The following TAF3 variants were observed in gnomAD, a reference collection of about 807,000 sequenced individuals.
TAF3 encodes the protein transcription initiation factor TFIID subunit 3.
TAF3 carries 7 observed loss-of-function variants against 80.6 expected under a neutral mutation model. The ratio of observed to expected loss-of-function variants is 0.09; its 90% CI spans 0.05 to 0.16. The LOEUF (loss-of-function observed/expected upper bound fraction) is 0.16, where lower values mean the gene tolerates loss of function less well. Among genes scored for constraint, TAF3 ranks in the 10% least tolerant of loss-of-function variants. TAF3 has a pLI of 1.00. For missense variants in TAF3, 921 were observed against 1,140.2 expected, an observed-to-expected ratio of 0.81 and a Z score of 2.77; for synonymous variants, 444 against 446.1, an observed-to-expected ratio of 1.00 and a Z score of 0.06.
chr10:7,954,861 A>G (rs988563507), intron 2 of TAF3, among the ~76,000 whole-genome samples: 2 of 142,624 alleles, frequency 1.4e-5, no homozygotes, highest in Non-Finnish European at 3.1e-5. Flanking sequence ...AGTGCACTCC[A>G]TAGGTGAATG....
intron 2 of TAF3, among the ~76,000 whole-genome samples, chr10:7,894,772 CTTTA>C (rs1259126405): frequency 6.6e-6 from 1 of 152,084 alleles, no homozygotes; most frequent in Non-Finnish European, 1.5e-5. Flanking sequence ...TAGGCTAAGA[CTTTA>C]TTTAAATACA....
intron 2 of TAF3, among the ~76,000 whole-genome samples, chr10:7,849,544 T>G (rs1244482): frequency 0.18 from 27,327 of 152,202 alleles, 2,539 homozygotes; most frequent in South Asian, 0.26. Flanking sequence ...GTTTTAAATG[T>G]GCATAATAGT....
At chr10:8,002,133 A>G (rs950590634) in intron 4 of TAF3, among the ~76,000 whole-genome samples, 3 of 152,172 alleles carry the variant, frequency 2.0e-5, no homozygotes, top group African/African-American at 4.8e-5. Context: ...TCTTCTTCCT[A>G]TCATCCTCTG....
intron 2 of TAF3, among the ~76,000 whole-genome samples, chr10:7,943,521 A>G (rs1837996200): frequency 6.6e-6 from 1 of 152,132 alleles, no homozygotes; most frequent in South Asian, 2.1e-4. Context: ...TGTCCTTGCC[A>G]GTTCTGTTCT....
intron 2 of TAF3, among the ~76,000 whole-genome samples, chr10:7,834,315 A>T (rs1280682435): frequency 6.6e-6 from 1 of 152,122 alleles, no homozygotes; most frequent in East Asian, 1.9e-4. Flanking sequence ...GTTTTCTTTT[A>T]GCAGTTTTGT....
At chr10:7,983,959 A>C (rs1303783674) in intron 4 of TAF3, among the ~76,000 whole-genome samples, 1 of 152,250 alleles carries the variant, frequency 6.6e-6, no homozygotes, top group Non-Finnish European at 1.5e-5. Context: ...TTTTTAAATG[A>C]CTGTATTTAA....
chr10:7,957,834 G>C (rs1838152751), intron 2 of TAF3, among the ~76,000 whole-genome samples: 1 of 111,536 alleles, frequency 9.0e-6, no homozygotes, highest in South Asian at 2.9e-4. Flanking sequence ...TCTCGATGTT[G>C]GAACACAGCT....
intron 5 of TAF3, among the ~76,000 whole-genome samples, chr10:8,012,640 T>TC (rs1477310417): frequency 6.6e-6 from 1 of 152,174 alleles, no homozygotes; most frequent in Admixed American, 6.5e-5. Context: ...TGTTACTTTT[T>TC]CTCCTGGAAT....
chr10:7,980,046 T>C (rs1831711577), intron 4 of TAF3, among the ~76,000 whole-genome samples: 1 of 152,124 alleles, frequency 6.6e-6, no homozygotes, highest in African/African-American at 2.4e-5. Context: ...TCCATGGTGA[T>C]AATGGGGAGG....
At chr10:7,867,395 T>C (rs190200307) in intron 2 of TAF3, among the ~76,000 whole-genome samples, 339 of 152,344 alleles carry the variant, frequency 2.2e-3, no homozygotes, top group African/African-American at 7.8e-3. Flanking sequence ...ATTTTAATGC[T>C]GATGCTGAGA....
chr10:7,860,990 CTTGCTGTGTCGCCTGGGCTGGAG>C (rs1394528269), intron 2 of TAF3, among the ~76,000 whole-genome samples: 17 of 151,090 alleles, frequency 1.1e-4, no homozygotes, highest in Non-Finnish European at 2.1e-4. Context: ...GAGACGGAGT[CTTGCTGTGTCGCCTGGGCTGGAG>C]TGCAGTGGCG....
intron 2 of TAF3, among the ~76,000 whole-genome samples, chr10:7,852,518 A>G (rs1314033122): frequency 2.6e-5 from 4 of 152,000 alleles, no homozygotes; most frequent in Non-Finnish European, 5.9e-5. Flanking sequence ...TGGCATCCTA[A>G]TGGTTTTGTT....
rs577403026 is a variant in TAF3 at position 7,850,598 on chromosome 10, C to A, written c.409+26038C>A. On this transcript the variant is annotated intron_variant, in intron 2 of 6. Coordinates refer to ENST00000344293, the MANE Select transcript of TAF3 (RefSeq NM_031923.4). Reference sequence around the variant, plus strand: ...GGCTGAGGCATGAGAATTGCTTGAACCCAGGAGGCAGAGGTTGCAGTGAGC... The same window carrying A: ...GGCTGAGGCATGAGAATTGCTTGAAACCAGGAGGCAGAGGTTGCAGTGAGC... 1.1e-4 allele frequency among the ~76,000 whole-genome samples: 17 copies of A among 152,022 alleles called. No homozygotes were observed. The South Asian group carries it at 1.2e-3, about 11-fold the overall frequency.
At chr10:7,839,071 G>A (rs1307749379) in intron 2 of TAF3, among the ~76,000 whole-genome samples, 3 of 151,856 alleles carry the variant, frequency 2.0e-5, no homozygotes, top group African/African-American at 7.3e-5. Context: ...CTGTGTGATC[G>A]GACTCCTGCC....
At chr10:7,888,674 C>G (rs1837432533) in intron 2 of TAF3, among the ~76,000 whole-genome samples, 1 of 152,184 alleles carries the variant, frequency 6.6e-6, no homozygotes, top group African/African-American at 2.4e-5. Context: ...TTAAAAGATG[C>G]TAGCCTAAAA....
At chr10:8,000,535 G>C (rs1777704286) in intron 4 of TAF3, among the ~76,000 whole-genome samples, 1 of 151,924 alleles carries the variant, frequency 6.6e-6, no homozygotes, top group African/African-American at 2.4e-5. Flanking sequence ...GGGAGGCCGA[G>C]ATGGGAGGAT....
chr10:7,853,922 A>G (rs1486255105), intron 2 of TAF3, among the ~76,000 whole-genome samples: 1 of 152,244 alleles, frequency 6.6e-6, no homozygotes, highest in Non-Finnish European at 1.5e-5. Flanking sequence ...CAATAAAAAC[A>G]TCTGTGAGAA....
chr10:7,942,606 T>A (rs1837986015), intron 2 of TAF3, among the ~76,000 whole-genome samples: 1 of 152,206 alleles, frequency 6.6e-6, no homozygotes, highest in Non-Finnish European at 1.5e-5. Flanking sequence ...AGGACATTGC[T>A]GACTGAGAAA....
chr10:7,914,867 A>G (rs1483847288), intron 2 of TAF3, among the ~76,000 whole-genome samples: 1 of 150,530 alleles, frequency 6.6e-6, no homozygotes, highest in Non-Finnish European at 1.5e-5. Flanking sequence ...CTTGTATATG[A>G]TAAACACATC....
Sources: allele counts gnomAD v4.1 joint callset (sites outside exome capture counted in the v4.1 genomes callset), GRCh38; gene constraint gnomAD v4.1.1; transcripts MANE v1.5; gene names NCBI Gene and HGNC (gene_info 2026-07-23, HGNC 2026-07-21).